Variants in CDC73 observed in about 807,000 individuals in gnomAD.
CDC73 encodes cell division cycle 73, also known as parafibromin.
CDC73 carries 21 observed loss-of-function variants against 83.7 expected under a neutral mutation model. That is an observed-to-expected ratio of 0.25 (90% CI 0.18 to 0.36). CDC73 has a LOEUF of 0.36. CDC73 is among the 10% of genes least tolerant of loss of function. CDC73 has a pLI of 1.00. For missense variants in CDC73, 342 were observed against 653.3 expected, an observed-to-expected ratio of 0.52 and a Z score of 5.19; for synonymous variants, 224 against 212.9, an observed-to-expected ratio of 1.05 and a Z score of -0.45.
intron 13 of CDC73, among the ~76,000 whole-genome samples, 175 bp from the exon 14 acceptor site, chr1:193,232,818 G>A (rs1293134483): frequency 6.6e-6 from 1 of 151,872 alleles, no homozygotes; most frequent in Middle Eastern, 3.2e-3. Flanking sequence ...CAGGAGAATC[G>A]CTTGAAACCA....
At chr1:193,152,727 G>A (rs1676136395) in intron 10 of CDC73, among the ~76,000 whole-genome samples, 1 of 152,124 alleles carries the variant, frequency 6.6e-6, no homozygotes, top group African/African-American at 2.4e-5. Flanking sequence ...TTTAAGTTAT[G>A]AGGTCAGTTT....
chr1:193,253,960 A>G lies in CDC73; in HGVS notation c.*3248A>G, dbSNP rs1205364953. ...TGGGGAGGAATATTTGTTGAACTAA[A>G]GTATATAAAATTTTTTGAGACTAGC... is the stretch of plus-strand genomic sequence containing the variant. On this transcript the variant is annotated 3_prime_UTR_variant, in exon 17 of 17. Coordinates refer to ENST00000367435, the MANE Select transcript of CDC73 (RefSeq NM_024529.5). 9.0e-6 allele frequency: 2 copies of G among 222,724 alleles called. No homozygotes were observed. The highest frequency in any genetic ancestry group is 1.8e-5 in the Non-Finnish European group (2 of 111,542). 13.8% of individuals were successfully genotyped at this position (222,724 alleles called of 1,614,324 possible).
intron 7 of CDC73, among the ~76,000 whole-genome samples, chr1:193,147,373 CTTTTTTTTTTT>C (rs945525186): frequency 7.3e-6 from 1 of 137,398 alleles, no homozygotes; most frequent in Non-Finnish European, 1.6e-5. Flanking sequence ...TTTTTTTTTT[CTTTTTTTTTTT>C]TGAGATGGAG....
intron 2 of CDC73, among the ~76,000 whole-genome samples, chr1:193,125,687 C>T (rs1185431330): frequency 6.6e-6 from 1 of 152,058 alleles, no homozygotes; most frequent in African/African-American, 2.4e-5. Context: ...AGCCAGCCTC[C>T]CACCTCAGTC....
intron 15 of CDC73, among the ~76,000 whole-genome samples, chr1:193,249,249 C>T (rs2102072710): frequency 6.6e-6 from 1 of 152,166 alleles, no homozygotes; most frequent in African/African-American, 2.4e-5. Flanking sequence ...TGATTGTTAG[C>T]ATTTTTTAGC....
chr1:193,227,551 A>C (rs1677586193), intron 13 of CDC73, among the ~76,000 whole-genome samples: 1 of 152,184 alleles, frequency 6.6e-6, no homozygotes, highest in African/African-American at 2.4e-5. Context: ...AGATTATCAT[A>C]ATAATAATTT....
intron 10 of CDC73, among the ~76,000 whole-genome samples, chr1:193,152,805 A>T (rs1433167854): frequency 2.6e-5 from 4 of 151,952 alleles, no homozygotes; most frequent in Non-Finnish European, 5.9e-5. Context: ...TTTGAGACAG[A>T]GTCTCGCTCT....
intron 5 of CDC73, 101 bp from the exon 6 acceptor site, chr1:193,137,984 G>A (rs1558283480): frequency 3.6e-6 from 3 of 842,958 alleles, no homozygotes; most frequent in Non-Finnish European, 6.2e-6. Flanking sequence ...ACCTAGAATT[G>A]TAGAGGTAGG....
intron 10 of CDC73, among the ~76,000 whole-genome samples, chr1:193,176,548 G>A (rs959325840): frequency 3.3e-5 from 5 of 152,122 alleles, no homozygotes; most frequent in Non-Finnish European, 7.4e-5. Flanking sequence ...TGGTGGTAGT[G>A]GGTTTTCTAT....
intron 10 of CDC73, among the ~76,000 whole-genome samples, chr1:193,183,497 T>A (rs1676754228): frequency 6.6e-6 from 1 of 150,630 alleles, no homozygotes; most frequent in Non-Finnish European, 1.5e-5. Flanking sequence ...CTATTCACTG[T>A]ACCAACAAAA....
chr1:193,224,628 TAC>T (rs375651954), intron 13 of CDC73, among the ~76,000 whole-genome samples: 76 of 152,264 alleles, frequency 5.0e-4, no homozygotes, highest in African/African-American at 1.6e-3. Flanking sequence ...TGCATTCACA[TAC>T]ACACATATAT....
chr1:193,225,978 C>T (rs977053625), intron 13 of CDC73, among the ~76,000 whole-genome samples: 7 of 152,098 alleles, frequency 4.6e-5, no homozygotes, highest in Non-Finnish European at 1.0e-4. Context: ...AAATCCTTGC[C>T]TAAGCCGGTG....
chr1:193,249,796 C>T lies in CDC73; in HGVS notation c.1484C>T (p.Thr495Ile), dbSNP rs2102073424. Residue 495 changes from threonine (T) to isoleucine (I), a missense_variant, in exon 16 of 17, where the codon ACA (threonine) becomes ATA (isoleucine). Physicochemically the swap from Thr to Ile is moderately conservative, Grantham distance 89 (BLOSUM62 -1). Coordinates refer to ENST00000367435, the MANE Select transcript of CDC73 (RefSeq NM_024529.5). ...LDPNVQKWDV[T>I]VLELSYHKRH... ...CCAAATGTTCAGAAATGGGATGTAA[C>T]AGTATTAGAACTCAGCTATCACAAA... The T allele has an allele frequency of 6.2e-7, 1 of 1,611,142 alleles. No homozygotes were observed. Among genetic ancestry groups the T allele is most frequent in the Non-Finnish European group, 8.5e-7 (1 of 1,177,654 alleles).
intron 15 of CDC73, among the ~76,000 whole-genome samples, chr1:193,237,407 T>C (rs993713376): frequency 6.6e-5 from 10 of 152,066 alleles, no homozygotes; most frequent in African/African-American, 2.4e-4. Context: ...ATGCAAACCT[T>C]CTTGGAAGGC....
chr1:193,211,299 T>C (rs1677275769), intron 11 of CDC73, among the ~76,000 whole-genome samples: 1 of 152,196 alleles, frequency 6.6e-6, no homozygotes, highest in Non-Finnish European at 1.5e-5. Context: ...CTGAAACTTT[T>C]GCAGTTTGAG....
At chr1:193,241,555 G>T (rs1251890886) in intron 15 of CDC73, among the ~76,000 whole-genome samples, 1 of 152,166 alleles carries the variant, frequency 6.6e-6, no homozygotes, top group Non-Finnish European at 1.5e-5. Flanking sequence ...AGCAGTGAAG[G>T]GGCAACCTCT....
chr1:193,228,497 A>C (rs1240498777), intron 13 of CDC73, among the ~76,000 whole-genome samples: 1 of 152,254 alleles, frequency 6.6e-6, no homozygotes, highest in African/African-American at 2.4e-5. Flanking sequence ...AGATAGATGA[A>C]TGAAAATAAT....
At chr1:193,196,975 T>C (rs571796419) in intron 10 of CDC73, among the ~76,000 whole-genome samples, 1 of 152,332 alleles carries the variant, frequency 6.6e-6, no homozygotes, top group South Asian at 2.1e-4. Context: ...CAGTATTATG[T>C]TGAATAGAAG....
At chr1:193,182,730 G>A (rs1361805583) in intron 10 of CDC73, among the ~76,000 whole-genome samples, 1 of 152,090 alleles carries the variant, frequency 6.6e-6, no homozygotes, top group African/African-American at 2.4e-5. Flanking sequence ...TCAGTGCATA[G>A]CACAGATTTG....
Sources: allele counts gnomAD v4.1 joint callset (sites outside exome capture counted in the v4.1 genomes callset), GRCh38; gene constraint gnomAD v4.1.1; transcripts MANE v1.5; gene names NCBI Gene and HGNC (gene_info 2026-07-23, HGNC 2026-07-21).